Variants in FAT3 observed in about 807,000 individuals in gnomAD.
FAT3 encodes the protein protocadherin Fat 3.
FAT3 carries 95 observed loss-of-function variants against 310.2 expected under a neutral mutation model. The observed-to-expected ratio is 0.31, with a 90% confidence interval of 0.26 to 0.36. The LOEUF (loss-of-function observed/expected upper bound fraction) is 0.36. Among genes scored for constraint, FAT3 ranks in the 10% least tolerant of loss-of-function variants. The pLI, the probability that FAT3 is intolerant of heterozygous loss-of-function variation, is 1.00. For synonymous variants in FAT3, 2,314 were observed against 2,192.9 expected (o/e 1.06, Z -1.54); for missense variants, 5,408 against 5,715.6 (o/e 0.95, Z 1.74).
chr11:92,648,888 G>A (rs762401800), intron 3 of FAT3, among the ~76,000 whole-genome samples: 7 of 152,114 alleles, frequency 4.6e-5, no homozygotes, highest in African/African-American at 7.2e-5. Context: ...GGATCACACC[G>A]GAATACTGCA....
At chr11:92,741,204 G>A (rs1945497685) in intron 4 of FAT3, among the ~76,000 whole-genome samples, 1 of 152,090 alleles carries the variant, frequency 6.6e-6, no homozygotes, top group African/African-American at 2.4e-5. Flanking sequence ...ACCACATCCG[G>A]TTAATTTTTT....
At chr11:92,631,568 G>A (rs956230535) in intron 3 of FAT3, among the ~76,000 whole-genome samples, 1 of 151,938 alleles carries the variant, frequency 6.6e-6, no homozygotes, top group South Asian at 2.1e-4. Context: ...CATGTAAGAC[G>A]TGCCTTTCTT....
At chr11:92,768,872 C>T (rs1181743369) in intron 6 of FAT3, among the ~76,000 whole-genome samples, 2 of 152,176 alleles carry the variant, frequency 1.3e-5, no homozygotes, top group Non-Finnish European at 2.9e-5. Flanking sequence ...TGCTTGCAGA[C>T]ACCTAAAGAG....
chr11:92,673,248 C>G (rs889797479), intron 3 of FAT3, among the ~76,000 whole-genome samples: 3 of 152,156 alleles, frequency 2.0e-5, no homozygotes. Flanking sequence ...GCAAAGAAGT[C>G]ATAAACTACA....
chr11:92,879,540 A>G (rs1428658562), intron 22 of FAT3, among the ~76,000 whole-genome samples: 3 of 152,250 alleles, frequency 2.0e-5, no homozygotes, highest in Non-Finnish European at 4.4e-5. Flanking sequence ...CTCCAGGGAA[A>G]ACCAGTTATG....
At chr11:92,669,756 C>T (rs1943074191) in intron 3 of FAT3, among the ~76,000 whole-genome samples, 1 of 152,178 alleles carries the variant, frequency 6.6e-6, no homozygotes, top group African/African-American at 2.4e-5. Context: ...CACTTCTAGC[C>T]ACAGGCCCTG....
chr11:92,811,478 G>A (rs891004923), intron 13 of FAT3, among the ~76,000 whole-genome samples: 16 of 152,116 alleles, frequency 1.1e-4, no homozygotes, highest in Admixed American at 9.8e-4. Context: ...GAAACATGAG[G>A]GGGTGGAGTG....
At chr11:92,509,653 A>G (rs1953227591) in intron 2 of FAT3, among the ~76,000 whole-genome samples, 1 of 152,204 alleles carries the variant, frequency 6.6e-6, no homozygotes. Flanking sequence ...CACTACAGTC[A>G]TTAAAAATGA....
intron 15 of FAT3, among the ~76,000 whole-genome samples, chr11:92,835,708 T>C (rs1053159964): frequency 6.6e-6 from 1 of 152,146 alleles, no homozygotes; most frequent in African/African-American, 2.4e-5. Flanking sequence ...GAGGATCAAA[T>C]AAAATCCCTG....
At chr11:92,306,993 C>A (rs1309597251) in intron 1 of FAT3, among the ~76,000 whole-genome samples, 14 of 150,450 alleles carry the variant, frequency 9.3e-5, no homozygotes, top group Non-Finnish European at 2.1e-4. Context: ...GAGACAGTTT[C>A]TCTATGTTGC....
At chr11:92,231,145 G>T (rs1864165181) in intron 1 of FAT3, among the ~76,000 whole-genome samples, 1 of 152,094 alleles carries the variant, frequency 6.6e-6, no homozygotes, top group African/African-American at 2.4e-5. Context: ...TAGGATTTTT[G>T]AATGTGTCTG....
chr11:92,761,782 A>G (rs1275543547), intron 4 of FAT3, 74 bp from the exon 5 acceptor site: 11 of 1,379,370 alleles, frequency 8.0e-6, no homozygotes, highest in Non-Finnish European at 1.1e-5. Flanking sequence ...GCATTAGAAG[A>G]AACACCCATA....
At chr11:92,606,593 G>A (rs140561852) in intron 3 of FAT3, among the ~76,000 whole-genome samples, 36 of 152,308 alleles carry the variant, frequency 2.4e-4, no homozygotes, top group African/African-American at 7.2e-4. Flanking sequence ...TTTGTTGAGT[G>A]CTGTCTCAGT....
At chr11:92,365,537 T>C (rs1017229415) in intron 2 of FAT3, among the ~76,000 whole-genome samples, 1 of 152,240 alleles carries the variant, frequency 6.6e-6, no homozygotes, top group Non-Finnish European at 1.5e-5. Flanking sequence ...TTCTCTGTTG[T>C]TATGGAGCTT....
chr11:92,486,008 A>G (rs769519000), intron 2 of FAT3, among the ~76,000 whole-genome samples: 1 of 152,128 alleles, frequency 6.6e-6, no homozygotes, highest in East Asian at 1.9e-4. Context: ...AGAGCTATAC[A>G]TGAACAAAGG....
At position 92,887,012 on chromosome 11, in the gene FAT3, A is replaced by T. The variant is rs1199808307; in HGVS notation, c.12950A>T (p.Asp4317Val). Reference protein sequence around the residue: ...WDAGTENKGVDDPGEVTCFAG... With the variant: ...WDAGTENKGVVDPGEVTCFAG... Reference sequence around the variant, plus strand: ...ACTGTCCATGAAGACAAAGGGGTTGATGACCCGGGAGAAGTGACCTGCTTT... The same window carrying T: ...ACTGTCCATGAAGACAAAGGGGTTGTTGACCCGGGAGAAGTGACCTGCTTT... The change falls in exon 25 of 28, where the codon GAT becomes GTT. Residue 4317 changes from aspartate (D) to valine (V), a missense_variant. Asp to Val is a radical substitution (Grantham distance 152). Coordinates refer to ENST00000525166, the MANE Select transcript of FAT3 (RefSeq NM_001367949.2). 1 of 1,605,178 alleles carries T rather than the reference A, an allele frequency of 6.2e-7. No individual in the cohort carries two copies. Among genetic ancestry groups the T allele is most frequent in the Non-Finnish European group, 8.5e-7 (1 of 1,176,058 alleles).
intron 3 of FAT3, among the ~76,000 whole-genome samples, chr11:92,583,277 G>A (rs12807100): frequency 0.17 from 26,133 of 151,928 alleles, 2,555 homozygotes; most frequent in East Asian, 0.27. Flanking sequence ...AGAACAGGAC[G>A]AAAGTCTAGG....
chr11:92,730,683 A>T (rs1945148803), intron 4 of FAT3, among the ~76,000 whole-genome samples: 1 of 152,166 alleles, frequency 6.6e-6, no homozygotes, highest in Non-Finnish European at 1.5e-5. Context: ...TCCATGTGGG[A>T]TTCCTAGAAG....
At chr11:92,551,632 T>G (rs1288259694) in intron 3 of FAT3, among the ~76,000 whole-genome samples, 1 of 152,136 alleles carries the variant, frequency 6.6e-6, no homozygotes, top group Non-Finnish European at 1.5e-5. Context: ...AAACCATTTC[T>G]TACTGAAACA....
Sources: allele counts gnomAD v4.1 joint callset (sites outside exome capture counted in the v4.1 genomes callset), GRCh38; gene constraint gnomAD v4.1.1; transcripts MANE v1.5; gene names NCBI Gene and HGNC (gene_info 2026-07-23, HGNC 2026-07-21).